The following ZNF208 variants were observed in gnomAD, a reference collection of about 807,000 sequenced individuals.
ZNF208 encodes the protein zinc finger protein 208.
In ZNF208, 10 loss-of-function variants were observed where a neutral mutation model predicts 12.1. The observed-to-expected ratio is 0.83, with a 90% CI of 0.51 to 1.40. The LOEUF is 1.40. Ranked by LOEUF, ZNF208 falls within the 40% of genes most tolerant of loss-of-function variation. The probability of loss-of-function intolerance (pLI) is 0.00; values close to 1 mark genes in which losing one functional copy is unlikely to be tolerated. For synonymous variants in ZNF208, 497 were observed against 488.4 expected (o/e 1.02, Z -0.23); for missense variants, 1,652 against 1,485.0 (o/e 1.11, Z -1.85).
At chr19:21,965,955 T>C (rs1970157772), downstream of ZNF208, 1 of 152,008 alleles carries the variant, frequency 6.6e-6, no homozygotes, top group African/African-American at 2.4e-5. Context: ...GGCTATAGAC[T>C]AAGAAATTTC....
intron 4 of ZNF208, chr19:21,941,460 T>C (rs371469043): frequency 1.4e-4 from 57 of 398,772 alleles, no homozygotes; most frequent in African/African-American, 7.2e-4. Flanking sequence ...CACCACACAG[T>C]GAGTTACAAC....
rs971334010 is a variant in ZNF208 at position 21,972,336 on chromosome 19, T to C, written c.2698A>G (p.Met900Val). 5 of 1,612,456 alleles carry C rather than the reference T, an allele frequency of 3.1e-6. No individual in the cohort carries two copies. The highest frequency in any genetic ancestry group is 1.1e-5 in the South Asian group (1 of 90,938). ...KCEECGKGFS[M>V]FSILTKHEVI... ...TCATGTTTAGTAAGGATGGAGAACA[T>C]ACTAAAACCTTTGCCACATTCTTCA... The change falls in exon 4 of 4, where the codon ATG becomes GTG. Residue 900 changes from methionine to valine, a missense_variant. By Grantham distance (21) the Met-to-Val change is conservative. Transcript: ENST00000397126.
At chr19:21,945,275 C>T (rs73015567) in intron 4 of ZNF208, among the ~76,000 whole-genome samples, 1 of 152,154 alleles carries the variant, frequency 6.6e-6, no homozygotes, top group Non-Finnish European at 1.5e-5. Flanking sequence ...TCCCTTCTCT[C>T]TCAAGATGTA....
At position 21,940,950 on chromosome 19, in the gene ZNF208, C is replaced by G. The variant is rs1969728816; in HGVS notation, c.306-7713G>C. 2.4e-5 allele frequency: 4 copies of G among 167,284 alleles called. No homozygotes were observed. The Admixed American group carries it at 2.6e-4, about 11-fold the overall frequency. The allele number at this position is 167,284 out of a possible 1,614,324, so 10.4% of individuals were successfully genotyped here. On this transcript the variant is annotated intron_variant, in intron 4 of 4. Coordinates refer to the ZNF208 transcript ENST00000599916. ...CCGCGACCCCGGCTTTGAGCCGAGG[C>G]ATCCCCGGGCTGGGCGACCGTGGGC...
At chr19:22,006,013 T>A (rs570442610) in intron 1 of ZNF208, among the ~76,000 whole-genome samples, 29 of 152,264 alleles carry the variant, frequency 1.9e-4, no homozygotes, top group Non-Finnish European at 4.0e-4. Flanking sequence ...ATCAGCTGAA[T>A]TTGCCTTCAG....
intron 4 of ZNF208, among the ~76,000 whole-genome samples, chr19:21,953,925 G>A (rs2145519593): frequency 6.6e-6 from 1 of 152,192 alleles, no homozygotes; most frequent in Middle Eastern, 3.4e-3. Flanking sequence ...AATTGTGATT[G>A]TAGCATGTCA....
rs1380225638 is a variant in ZNF208, at chr19:21,972,457, T to C, written c.2577A>G (p.Lys859=). 27 of 1,612,712 alleles carry C rather than the reference T, an allele frequency of 1.7e-5. No individual in the cohort carries two copies. Among genetic ancestry groups the C allele is most frequent in the Non-Finnish European group, 2.2e-5 (26 of 1,179,818 alleles). ...TGCCACATTCTTCACATTTGTAGGG[T>C]TTCTCTCCAGTATGAATTACCTTAT... ...TKHKVIHTGE[K]PYKCEECGKA... is the part of the protein sequence containing the mutation. The change falls in exon 4 of 4, where the codon AAA becomes AAG. Residue 859 remains lysine (K), a synonymous_variant. Coordinates refer to ENST00000397126, the MANE Select transcript of ZNF208 (RefSeq NM_007153.3).
intron 4 of ZNF208, among the ~76,000 whole-genome samples, chr19:21,944,719 T>C (rs4116667): frequency 6.6e-6 from 1 of 152,204 alleles, no homozygotes; most frequent in South Asian, 2.1e-4. Context: ...CTGAAATATG[T>C]TTGATTTAAA....
At chr19:21,978,263 C>T (rs367973051) in intron 3 of ZNF208, among the ~76,000 whole-genome samples, 26 of 152,262 alleles carry the variant, frequency 1.7e-4, no homozygotes, top group Middle Eastern at 3.4e-3. Flanking sequence ...CCCTGACACC[C>T]GTGTCTCCTG....
At chr19:21,993,482 G>A (rs1268584411) in intron 1 of ZNF208, among the ~76,000 whole-genome samples, 3 of 151,810 alleles carry the variant, frequency 2.0e-5, no homozygotes, top group Non-Finnish European at 4.4e-5. Context: ...TCTGCAAAAT[G>A]GCCAAGTGAT....
intron 1 of ZNF208, among the ~76,000 whole-genome samples, chr19:22,000,339 C>T (rs569455260): frequency 1.9e-4 from 29 of 152,086 alleles, no homozygotes; most frequent in South Asian, 1.2e-3. Context: ...TTCAAAAATC[C>T]GAAAATTATA....
chr19:21,972,198 T>A lies in ZNF208; in HGVS notation c.2836A>T (p.Lys946Ter), dbSNP rs1391758432. The A allele has an allele frequency of 1.9e-6, 3 of 1,613,258 alleles. No individual in the cohort carries two copies. The highest frequency in any genetic ancestry group is 2.5e-6 in the Non-Finnish European group (3 of 1,179,760). Residue 946 changes from lysine (K) to a stop codon, truncating the protein, a stop_gained, in exon 4 of 4, where the codon AAA (lysine) becomes TAA (stop). Coordinates refer to ENST00000397126, the MANE Select transcript of ZNF208 (RefSeq NM_007153.3). LOFTEE classifies it low-confidence loss of function (END_TRUNC). ...TAGGCTTTGCCACATGCTTCACATT[T>A]GTAGAATTTCTCTCCAGCATGAGTT... ...KKTHAGEKFY[K>*]CEACGKAYKS...
At chr19:21,983,634 A>C (rs1490721200) in intron 3 of ZNF208, among the ~76,000 whole-genome samples, 1 of 152,208 alleles carries the variant, frequency 6.6e-6, no homozygotes, top group African/African-American at 2.4e-5. Context: ...AGGATAAAGA[A>C]AATGTGGCAC....
intron 1 of ZNF208, among the ~76,000 whole-genome samples, chr19:22,000,372 G>A (rs147571358): frequency 4.9e-4 from 75 of 152,070 alleles, no homozygotes; most frequent in African/African-American, 1.7e-3. Context: ...ACAGATTACA[G>A]CTTAAGAAAA....
chr19:21,957,053 T>C (rs1317249836), intron 4 of ZNF208, among the ~76,000 whole-genome samples: 1 of 150,510 alleles, frequency 6.6e-6, no homozygotes, highest in Non-Finnish European at 1.5e-5. Context: ...TATTTTTGTT[T>C]TCTTTTGAGA....
Position 21,971,899 on chromosome 19 carries a change from A to T in ZNF208, c.3135T>A (p.Thr1045=). Residue 1045 remains threonine (T), a synonymous_variant, in exon 4 of 4, where the codon ACT becomes ACA. Transcript: ENST00000397126. Reference sequence around the variant, plus strand: ...CTCCAGCATGAGTTGCCTTATGTTCAGTAAGGCTTGAGGGCCAGCTGAAGG... The same window carrying T: ...CTCCAGCATGAGTTGCCTTATGTTCTGTAAGGCTTGAGGGCCAGCTGAAGG... The part of the protein sequence containing the change: ...DKAFSWPSSL[T]EHKATHAGEK... The T allele has an allele frequency of 6.5e-7, 1 of 1,529,274 alleles. No individual in the cohort carries two copies. Among genetic ancestry groups the T allele is most frequent in the Non-Finnish European group, 8.9e-7 (1 of 1,121,854 alleles). 94.7% of individuals were successfully genotyped at this position (1,529,274 alleles called of 1,614,324 possible). A position where few individuals can be genotyped will look rare whatever the true frequency, so the allele number is the denominator to read the frequency against.
At position 21,971,865 on chromosome 19, in the gene ZNF208, A is replaced by C; in HGVS notation, c.3169T>G (p.Tyr1057Asp). Residue 1057 changes from tyrosine (Y) to aspartate (D), a missense_variant, in exon 4 of 4, where the codon TAC (tyrosine) becomes GAC (aspartate). Tyr to Asp is a radical substitution (Grantham distance 160, BLOSUM62 -3). Transcript: ENST00000397126. Reference protein sequence around the residue: ...HKATHAGEKPYKCEECGKAFS... With the variant: ...HKATHAGEKPDKCEECGKAFS... Reference sequence around the variant, plus strand: ...GCTTTGCCACATTCTTCACATTTGTAGGGTTTTTCTCCAGCATGAGTTGCC... The same window carrying C: ...GCTTTGCCACATTCTTCACATTTGTCGGGTTTTTCTCCAGCATGAGTTGCC... 2.5e-6 allele frequency: 4 copies of C among 1,613,476 alleles called. No individual in the cohort carries two copies. The highest frequency in any genetic ancestry group is 3.4e-6 in the Non-Finnish European group (4 of 1,179,704).
rs1254269182 is a variant in ZNF208, at chr19:21,945,878, AT to A, written c.306-12642del. 2.0e-5 allele frequency among the ~76,000 whole-genome samples: 3 copies of A among 149,334 alleles called. No individual in the cohort carries two copies. The East Asian group carries it at 6.0e-4, about 30-fold the overall frequency. ...CCCCCAACCCCCAGGTTAGTGCCTT[AT>A]CCCCACATAGCAGAAAAAGCAGCTT... is the stretch of plus-strand genomic sequence containing the variant. On this transcript the variant is annotated intron_variant, in intron 4 of 4. Transcript: ENST00000599916.
chr19:21,941,318 TAGAA>T (rs1969737053), intron 4 of ZNF208: 1 of 398,638 alleles, frequency 2.5e-6, no homozygotes, highest in South Asian at 1.3e-4. Context: ...CACATCATGA[TAGAA>T]AGAGTTGATG....
Sources: gnomAD v4.1 joint callset for allele counts (sites outside exome capture counted in the v4.1 genomes callset) on GRCh38, gnomAD v4.1.1 for gene constraint, MANE v1.5 for transcripts, NCBI Gene and HGNC (gene_info 2026-07-23, HGNC 2026-07-21) for gene names.